Variants in RYR3 observed in about 807,000 individuals in gnomAD.
RYR3 encodes the protein brain ryanodine receptor-calcium release channel.
Under a neutral mutation model 584.3 loss-of-function variants are expected in RYR3, and 207 were observed. The ratio of observed to expected loss-of-function variants is 0.35; its 90% CI spans 0.32 to 0.40. RYR3 has a LOEUF of 0.40. RYR3 is among the 10% of genes least tolerant of loss of function. RYR3 has a pLI of 1.00. For synonymous variants in RYR3, 2,416 were observed against 2,248.5 expected (o/e 1.07, Z -2.11); for missense variants, 5,616 against 6,089.2 (o/e 0.92, Z 2.59).
intron 39 of RYR3, 89 bp downstream of exon 39, chr15:33,696,580 A>G: frequency 7.6e-7 from 1 of 1,318,748 alleles, no homozygotes; most frequent in Non-Finnish European, 1.1e-6. Flanking sequence ...AGTGGAATCA[A>G]ATCATATTAA....
intron 38 of RYR3, among the ~76,000 whole-genome samples, chr15:33,686,941 A>C (rs2065053490): frequency 6.6e-6 from 1 of 152,232 alleles, no homozygotes; most frequent in African/African-American, 2.4e-5. Flanking sequence ...AGAGCTGTCT[A>C]TGACAAACCC....
chr15:33,493,925 A>AATG lies in RYR3; in HGVS notation c.172-9682_172-9680dup, dbSNP rs572261298. 3.1e-3 allele frequency among the ~76,000 whole-genome samples: 464 copies of AATG among 149,502 alleles called. 1 individual carries two copies. Among genetic ancestry groups the AATG allele is most frequent in the Middle Eastern group, 6.8e-3 (2 of 294 alleles). On this transcript the variant is annotated intron_variant, in intron 2 of 103. Coordinates refer to ENST00000634891, the MANE Select transcript of RYR3 (RefSeq NM_001036.6). ...GAGAGAGACCTTGTCTCAAAATAAT[A>AATG]ATGATGATGATGATGATGATGATGA...
chr15:33,526,976 G>A (rs952396379), intron 3 of RYR3, among the ~76,000 whole-genome samples: 1 of 152,214 alleles, frequency 6.6e-6, no homozygotes, highest in African/African-American at 2.4e-5. Flanking sequence ...TATTGGAAGA[G>A]CATTTCAGAC....
chr15:33,376,796 TA>T (rs1382337653), intron 1 of RYR3, among the ~76,000 whole-genome samples: 1 of 152,238 alleles, frequency 6.6e-6, no homozygotes, highest in Non-Finnish European at 1.5e-5. Context: ...TTTATTTTCG[TA>T]TATGGAATGA....
At chr15:33,572,988 AAAAT>A (rs2058114146) in intron 12 of RYR3, among the ~76,000 whole-genome samples, 1 of 152,160 alleles carries the variant, frequency 6.6e-6, no homozygotes, top group Non-Finnish European at 1.5e-5. Context: ...AAATAAATAA[AAAAT>A]AAAAATAAGA....
rs1275677743 is a variant in RYR3 at position 33,412,911 on chromosome 15, A to G, written c.52-60508A>G. On this transcript the variant is annotated intron_variant, in intron 1 of 103. Coordinates refer to ENST00000634891, the MANE Select transcript of RYR3 (RefSeq NM_001036.6). The surrounding 1 kb of genome is among the most constrained non-coding windows in gnomAD (Gnocchi z 4.3). ...TGGGGTTGAGTGTTGACGATGAGAA[A>G]AAAATTCTGTTCAAGAAACTAGCCT... Among the ~76,000 whole-genome samples, 2 of 151,260 alleles carry G rather than the reference A, an allele frequency of 1.3e-5. No homozygotes were observed. Among genetic ancestry groups the G allele is most frequent in the East Asian group, 3.9e-4 (2 of 5,186 alleles).
At chr15:33,839,584 G>A (rs2078236509) in intron 89 of RYR3, 1 of 152,260 alleles carries the variant, frequency 6.6e-6, no homozygotes, top group Non-Finnish European at 1.5e-5. Context: ...GAGTAGAGAA[G>A]TGTGAAAAGA....
chr15:33,813,208 C>G (rs1237526557), intron 73 of RYR3, among the ~76,000 whole-genome samples: 1 of 152,156 alleles, frequency 6.6e-6, no homozygotes, highest in Non-Finnish European at 1.5e-5. Flanking sequence ...TGCATTCTTG[C>G]CATTAGCTCA....
intron 66 of RYR3, among the ~76,000 whole-genome samples, chr15:33,786,292 C>G (rs1360473899): frequency 6.6e-6 from 1 of 152,140 alleles, no homozygotes. Flanking sequence ...TCAAGAATCC[C>G]ATTAGCTCTT....
chr15:33,657,548 A>G (rs753935953), intron 32 of RYR3, among the ~76,000 whole-genome samples: 4 of 152,242 alleles, frequency 2.6e-5, no homozygotes, highest in African/African-American at 4.8e-5. Context: ...CCTGCCTTGT[A>G]GCTAAAGTCA....
chr15:33,557,690 A>G (rs2057157314), intron 10 of RYR3, among the ~76,000 whole-genome samples: 1 of 152,008 alleles, frequency 6.6e-6, no homozygotes, highest in Non-Finnish European at 1.5e-5. Context: ...GCCGGGTTCT[A>G]ATTCCTTTCT....
rs35427814 is a variant in RYR3, at chr15:33,684,452, TA to T, written c.5861-11758del. Among the ~76,000 whole-genome samples, 571 of 151,322 alleles carry T rather than the reference TA, an allele frequency of 3.8e-3. 3 individuals are homozygous for T. Among genetic ancestry groups the T allele is most frequent in the South Asian group, 0.01 (49 of 4,778 alleles). On this transcript the variant is annotated intron_variant, in intron 38 of 103. Transcript: ENST00000634891. Reference sequence around the variant, plus strand: ...AAACAGAAAAGAATAGCATCAACATTAAAAAAAAGGACATCCACACCAAAAC... The same window carrying T: ...AAACAGAAAAGAATAGCATCAACATTAAAAAAAGGACATCCACACCAAAAC...
intron 76 of RYR3, among the ~76,000 whole-genome samples, 175 bp downstream of exon 76, chr15:33,818,859 C>T (rs112296831): frequency 0.017 from 2,649 of 152,332 alleles, 71 homozygotes; most frequent in African/African-American, 0.06. Context: ...CGTGGTGGCT[C>T]ACGCCTGTAA....
At chr15:33,534,507 G>A (rs1320262739) in intron 5 of RYR3, among the ~76,000 whole-genome samples, 1 of 152,074 alleles carries the variant, frequency 6.6e-6, no homozygotes, top group Non-Finnish European at 1.5e-5. Flanking sequence ...GGGAACCAAT[G>A]GATTATTATT....
intron 58 of RYR3, 109 bp downstream of exon 58, chr15:33,755,289 G>A: frequency 1.4e-6 from 1 of 714,174 alleles, no homozygotes; most frequent in Non-Finnish European, 2.3e-6. Context: ...GATTTTAGGG[G>A]GAAAACAGTG....
At chr15:33,742,891 T>A (rs1396463162) in intron 52 of RYR3, among the ~76,000 whole-genome samples, 1 of 152,218 alleles carries the variant, frequency 6.6e-6, no homozygotes, top group African/African-American at 2.4e-5. Flanking sequence ...AATCGTCTTC[T>A]TATGGTAGGC....
In RYR3 at chr15:33,569,809, C is replaced by T. The variant is rs115924440; in HGVS notation, c.1268+3010C>T. On this transcript the variant is annotated intron_variant, in intron 12 of 103. Transcript: ENST00000634891. Reference sequence around the variant, plus strand: ...ACTAGTAGCTATGAAGTAGTATTATCGTGGTGGTTTCAGTTTGAATTTCCA... The same window carrying T: ...ACTAGTAGCTATGAAGTAGTATTATTGTGGTGGTTTCAGTTTGAATTTCCA... Among the ~76,000 whole-genome samples, 861 of 152,116 alleles carry T rather than the reference C, an allele frequency of 5.7e-3. 11 individuals are homozygous for T. Among genetic ancestry groups the T allele is most frequent in the African/African-American group, 0.02 (834 of 41,556 alleles).
chr15:33,769,147 A>G lies in RYR3; in HGVS notation c.8791A>G (p.Ile2931Val). The G allele has an allele frequency of 6.2e-7, 1 of 1,613,600 alleles. No homozygotes were observed. Among genetic ancestry groups the G allele is most frequent in the Non-Finnish European group, 8.5e-7 (1 of 1,179,610 alleles). Reference sequence around the variant, plus strand: ...TACTACAATGGTGAGCTGTCTTCACATCTTAGCTCAGACACTTGACACAAG... The same window carrying G: ...TACTACAATGGTGAGCTGTCTTCACGTCTTAGCTCAGACACTTGACACAAG... ...DSTTMVSCLH[I>V]LAQTLDTRTV... Residue 2931 changes from isoleucine to valine, a missense_variant, in exon 62 of 104, where the codon ATC becomes GTC. Physicochemically the swap from Ile to Val is conservative, Grantham distance 29 (BLOSUM62 3). Transcript: ENST00000634891.
chr15:33,749,926 C>T, intron 55 of RYR3, 53 bp from the exon 56 acceptor site: 8 of 1,538,740 alleles, frequency 5.2e-6, no homozygotes, highest in Non-Finnish European at 7.1e-6. Context: ...AGCTATGAAG[C>T]CAGCTTGCCT....
Sources: gnomAD v4.1 joint callset for allele counts (sites outside exome capture counted in the v4.1 genomes callset) on GRCh38, gnomAD v4.1.1 for gene constraint, Gnocchi (gnomAD v3.1) non-coding constraint, MANE v1.5 for transcripts, NCBI Gene and HGNC (gene_info 2026-07-23, HGNC 2026-07-21) for gene names.